Variants in TP53BP1 observed in about 807,000 individuals in gnomAD.
TP53BP1 encodes the protein TP53-binding protein 1.
A neutral mutation model predicts 200.8 loss-of-function variants in TP53BP1; 61 were observed. The ratio of observed to expected loss-of-function variants is 0.30; its 90% CI spans 0.25 to 0.38. The LOEUF (loss-of-function observed/expected upper bound fraction) is 0.38. TP53BP1 is among the 10% of genes least tolerant of loss of function. TP53BP1 has a pLI of 1.00. For missense variants in TP53BP1, 2,144 were observed against 2,371.9 expected (o/e 0.90, Z 2.00); for synonymous variants, 822 against 844.3 (o/e 0.97, Z 0.46).
chr15:43,508,543 G>C (rs2079250994), intron 1 of TP53BP1, among the ~76,000 whole-genome samples: 1 of 152,164 alleles, frequency 6.6e-6, no homozygotes, highest in African/African-American at 2.4e-5. Context: ...TGAGGTGCAA[G>C]GATCACTTGA....
At chr15:43,503,809 T>A (rs530489687) in intron 1 of TP53BP1, among the ~76,000 whole-genome samples, 3 of 152,224 alleles carry the variant, frequency 2.0e-5, no homozygotes, top group Non-Finnish European at 4.4e-5. Context: ...TCCCTATATG[T>A]GGATTCTGCA....
At chr15:43,424,806 C>T (rs544516074) in intron 18 of TP53BP1, among the ~76,000 whole-genome samples, 1 of 152,302 alleles carries the variant, frequency 6.6e-6, no homozygotes, top group Non-Finnish European at 1.5e-5. Context: ...ATGGTTTGAA[C>T]GTCTGCCCCT....
intron 12 of TP53BP1, among the ~76,000 whole-genome samples, chr15:43,449,769 C>G (rs1595569198): frequency 6.6e-6 from 1 of 152,204 alleles, no homozygotes; most frequent in Admixed American, 6.5e-5. Context: ...AAGGTTTTCA[C>G]TAGAAGACAA....
chr15:43,507,605 A>G (rs2079244591), intron 1 of TP53BP1, among the ~76,000 whole-genome samples: 1 of 152,182 alleles, frequency 6.6e-6, no homozygotes, highest in Admixed American at 6.5e-5. Context: ...TAATTCATAT[A>G]TGTATTTAAT....
chr15:43,432,566 G>C lies in TP53BP1; in HGVS notation c.3303C>G (p.Val1101=), dbSNP rs2045697047. 6.2e-7 allele frequency: 1 copy of C among 1,614,150 alleles called. No individual in the cohort carries two copies. The highest frequency in any genetic ancestry group is 8.5e-7 in the Non-Finnish European group (1 of 1,180,022). ...SQQPMKPISP[V]KDPVSPASQK... is the part of the protein sequence containing the mutation. The stretch of plus-strand genomic sequence containing the variant: ...GGGAAGCAGGAGAAACAGGGTCCTT[G>C]ACAGGACTAATGGGCTTCATAGGCT... Residue 1101 remains valine, a synonymous_variant, in exon 17 of 28, where the codon GTC becomes GTG. Coordinates refer to ENST00000382044, the MANE Select transcript of TP53BP1 (RefSeq NM_001141980.3).
upstream of TP53BP1, chr15:43,497,279 C>T (rs142317385): frequency 1.0e-3 from 250 of 249,646 alleles, no homozygotes; most frequent in African/African-American, 5.3e-3. Context: ...ACTCAGGAGG[C>T]TGAGGTGGAA....
intron 4 of TP53BP1, among the ~76,000 whole-genome samples, chr15:43,490,121 G>A (rs561400316): frequency 1.1e-3 from 167 of 151,418 alleles, no homozygotes; most frequent in African/African-American, 3.9e-3. Context: ...ACAGAGTCTC[G>A]CTCTGTCACC....
chr15:43,488,760 G>A (rs1251275201), intron 4 of TP53BP1, among the ~76,000 whole-genome samples: 2 of 152,128 alleles, frequency 1.3e-5, no homozygotes, highest in African/African-American at 2.4e-5. Flanking sequence ...CAGCAGTGGT[G>A]GTGGACACCT....
At chr15:43,415,415 G>C (rs1158884077) in intron 23 of TP53BP1, 179 bp downstream of exon 23, 1 of 724,500 alleles carries the variant, frequency 1.4e-6, no homozygotes, top group Non-Finnish European at 2.5e-6. Context: ...GTCTGTAGGG[G>C]ATGGGGGAGG....
At chr15:43,426,061 T>C (rs1054092289) in intron 18 of TP53BP1, among the ~76,000 whole-genome samples, 21 of 136,138 alleles carry the variant, frequency 1.5e-4, no homozygotes, top group African/African-American at 6.3e-4. Context: ...CGAGACTCCG[T>C]CTCAAAAAAA....
Position 43,406,665 on chromosome 15 carries a change from G to T in TP53BP1, c.*718C>A, listed in dbSNP as rs2044901353. On this transcript the variant is annotated 3_prime_UTR_variant, in exon 28 of 28. Coordinates refer to ENST00000382044, the MANE Select transcript of TP53BP1 (RefSeq NM_001141980.3). ...CCATGCAGGGATCAGTGATGCCAGAGGAAGGGAAGGAACTGCTTCCAGCTA... is the reference window on the plus strand; with the variant it reads ...CCATGCAGGGATCAGTGATGCCAGATGAAGGGAAGGAACTGCTTCCAGCTA... 2.2e-6 allele frequency: 1 copy of T among 452,216 alleles called. No homozygotes were observed. The highest frequency in any genetic ancestry group is 2.4e-5 in the Admixed American group (1 of 41,660). 28.0% of individuals were successfully genotyped at this position (452,216 alleles called of 1,614,324 possible). A position where few individuals can be genotyped will look rare whatever the true frequency, so the allele number is the denominator to read the frequency against.
At chr15:43,447,914 T>C (rs2046080388) in intron 12 of TP53BP1, among the ~76,000 whole-genome samples, 1 of 152,210 alleles carries the variant, frequency 6.6e-6, no homozygotes, top group Admixed American at 6.5e-5. Context: ...TAAGCCTTAA[T>C]AGTCTGTAGG....
intron 8 of TP53BP1, among the ~76,000 whole-genome samples, chr15:43,477,225 G>A (rs1249418368): frequency 2.0e-5 from 3 of 151,736 alleles, no homozygotes; most frequent in African/African-American, 4.8e-5. Context: ...GCATGATCCC[G>A]GGAGGCGGAG....
chr15:43,437,962 CTT>C (rs1175076930), intron 16 of TP53BP1, among the ~76,000 whole-genome samples: 3 of 152,186 alleles, frequency 2.0e-5, no homozygotes, highest in Non-Finnish European at 4.4e-5. Context: ...TGGTAAGGGC[CTT>C]CTAGCTGCAT....
intron 5 of TP53BP1, among the ~76,000 whole-genome samples, chr15:43,480,632 T>A (rs2078951241): frequency 6.6e-6 from 1 of 152,044 alleles, no homozygotes; most frequent in Non-Finnish European, 1.5e-5. Context: ...CCCCACAAAG[T>A]ACACATTACA....
intron 11 of TP53BP1, among the ~76,000 whole-genome samples, chr15:43,465,697 AG>A (rs1255601192): frequency 6.6e-6 from 1 of 152,264 alleles, no homozygotes; most frequent in African/African-American, 2.4e-5. Flanking sequence ...TGGAAATTTC[AG>A]AACACTGGGA....
chr15:43,435,268 A>AG (rs2142999751), intron 16 of TP53BP1, among the ~76,000 whole-genome samples: 1 of 11,790 alleles, frequency 8.5e-5, no homozygotes, highest in South Asian at 2.9e-3. Context: ...ACCCCATCTC[A>AG]AAAAAAAAAA....
Position 43,409,062 on chromosome 15 carries a change from T to C in TP53BP1, c.5435A>G (p.Asp1812Gly), listed in dbSNP as rs1466930077. 6.2e-7 allele frequency: 1 copy of C among 1,613,996 alleles called. No individual in the cohort carries two copies. Among genetic ancestry groups the C allele is most frequent in the African/African-American group, 1.3e-5 (1 of 74,878 alleles). ...NTAYQCLLIA[D>G]QHCRTRKYFL... ...GTACTTCCGGGTTCGACAATGCTGA[T>C]CCGCAATTAGAAGACACTGGTAAGC... The change falls in exon 26 of 28, where the codon GAT becomes GGT. Residue 1812 changes from aspartate to glycine, a missense_variant. Around this residue, in one of 4 missense-constraint regions of TP53BP1, gnomAD observed 334 missense variants for 453.4 expected, o/e 0.74. Coordinates refer to ENST00000382044, the MANE Select transcript of TP53BP1 (RefSeq NM_001141980.3).
upstream of TP53BP1, among the ~76,000 whole-genome samples, chr15:43,495,041 A>T (rs1433050108): frequency 6.6e-6 from 1 of 151,978 alleles, no homozygotes; most frequent in Non-Finnish European, 1.5e-5. Flanking sequence ...ATACGAAAAA[A>T]ATTAGCTGGG....
Sources: gnomAD v4.1 joint callset for allele counts (sites outside exome capture counted in the v4.1 genomes callset) on GRCh38, gnomAD v4.1.1 for gene constraint, gnomAD v4.1.1 regional missense constraint, MANE v1.5 for transcripts, NCBI Gene and HGNC (gene_info 2026-07-23, HGNC 2026-07-21) for gene names.